NLGN4X: variants seen among roughly 807,000 people sequenced by gnomAD.
NLGN4X encodes the protein neuroligin 4 X-linked, also known as neuroligin-4, X-linked.
In NLGN4X, 3 loss-of-function variants were observed where a neutral mutation model predicts 40.3. The observed-to-expected ratio is 0.07, with a 90% CI of 0.03 to 0.19. The LOEUF is 0.19. NLGN4X is among the 10% of genes least tolerant of loss of function. The pLI is 1.00. For missense variants in NLGN4X, 382 were observed against 708.3 expected (o/e 0.54, Z 5.23); for synonymous variants, 270 against 306.8 (o/e 0.88, Z 1.25).
intron 3 of NLGN4X, among the ~76,000 whole-genome samples, chrX:6,000,791 A>G (rs1437157986): frequency 9.0e-6 from 1 of 111,468 alleles, no homozygotes; most frequent in Non-Finnish European, 1.9e-5. Flanking sequence ...CTGTCTTCTG[A>G]GCCCTTCAAA....
intron 3 of NLGN4X, among the ~76,000 whole-genome samples, chrX:6,010,908 G>A (rs1248591172): frequency 1.8e-5 from 2 of 111,436 alleles, no homozygotes; most frequent in Non-Finnish European, 3.8e-5. Flanking sequence ...ACAAAAGGAA[G>A]CTTTCAAATT....
intron 3 of NLGN4X, among the ~76,000 whole-genome samples, chrX:5,985,097 G>A (rs1374806109): frequency 9.0e-6 from 1 of 111,716 alleles, no homozygotes; most frequent in Non-Finnish European, 1.9e-5. Flanking sequence ...CTGACTACTG[G>A]GTATTTTCAG....
chrX:6,078,521 A>C, intron 2 of NLGN4X, among the ~76,000 whole-genome samples: 1 of 111,340 alleles, frequency 9.0e-6, no homozygotes. Flanking sequence ...GGTTGGTTGC[A>C]CTGGGGGAAG....
chrX:6,118,186 CCTCT>C (rs1208911940), intron 2 of NLGN4X, among the ~76,000 whole-genome samples: 3 of 110,382 alleles, frequency 2.7e-5, no homozygotes, highest in Non-Finnish European at 5.7e-5. Context: ...ACTTACTTCT[CCTCT>C]CTATCTACAT....
At position 6,146,151 on chromosome X, in the gene NLGN4X, A is replaced by C. The variant is rs1447601972; in HGVS notation, c.472+4844T>G. Among the ~76,000 whole-genome samples, 4 of 110,990 alleles carry C rather than the reference A, an allele frequency of 3.6e-5. No individual in the cohort carries two copies. The South Asian group carries it at 1.1e-3, about 32-fold the overall frequency. Reference sequence around the variant, plus strand: ...AAAAAAAAAAAAGAACTTTCATGATATGGCACTGCCAGAAACAGCCCATGC... The same window carrying C: ...AAAAAAAAAAAAGAACTTTCATGATCTGGCACTGCCAGAAACAGCCCATGC... On this transcript the variant is annotated intron_variant, in intron 2 of 5. Coordinates refer to ENST00000381095, the MANE Select transcript of NLGN4X (RefSeq NM_181332.3).
chrX:6,222,882 G>T (rs1239838174), intron 1 of NLGN4X, among the ~76,000 whole-genome samples: 1 of 111,743 alleles, frequency 8.9e-6, no homozygotes, highest in African/African-American at 3.3e-5. Context: ...TCTCCTTCCT[G>T]CCATCATGTG....
chrX:5,891,449 G>A lies in NLGN4X; in HGVS notation c.*1368C>T, dbSNP rs1432835692. The stretch of plus-strand genomic sequence containing the variant: ...CCTGCTTACTGATAAATAAGGGACC[G>A]AGTGCTTAAACAAAAAGGAAAGACA... On this transcript the variant is annotated 3_prime_UTR_variant, in exon 6 of 6. Coordinates refer to ENST00000381095, the MANE Select transcript of NLGN4X (RefSeq NM_181332.3). 6 of 249,811 alleles carry A rather than the reference G, an allele frequency of 2.4e-5. No individual in the cohort carries two copies. The highest frequency in any genetic ancestry group is 5.4e-5 in the Admixed American group (1 of 18,552). 20.6% of individuals were successfully genotyped at this position (249,811 alleles called of 1,213,427 possible).
At chrX:6,167,642 G>A (rs1418211555) in intron 1 of NLGN4X, among the ~76,000 whole-genome samples, 1 of 111,665 alleles carries the variant, frequency 9.0e-6, no homozygotes, top group African/African-American at 3.3e-5. Flanking sequence ...AAGGCCCATG[G>A]AGAAGAATTC....
chrX:5,911,248 TTC>T (rs1336208424), intron 3 of NLGN4X, among the ~76,000 whole-genome samples: 1 of 111,875 alleles, frequency 8.9e-6, no homozygotes, highest in Non-Finnish European at 1.9e-5. Flanking sequence ...TCACTCACTG[TTC>T]TCTCTTTCTC....
At chrX:6,011,363 A>G (rs2036246232) in intron 3 of NLGN4X, among the ~76,000 whole-genome samples, 1 of 63,735 alleles carries the variant, frequency 1.6e-5, no homozygotes, top group Admixed American at 1.7e-4. Flanking sequence ...TCTCAAATTC[A>G]GAAATATATA....
At chrX:6,171,551 A>AGAAAGGGTGCAC (rs1269904666) in intron 1 of NLGN4X, among the ~76,000 whole-genome samples, 2 of 112,035 alleles carry the variant, frequency 1.8e-5, no homozygotes, top group African/African-American at 6.5e-5. Flanking sequence ...CAGCTTTCCA[A>AGAAAGGGTGCAC]GAAAGGGTGC....
At chrX:5,987,054 C>T (rs2035549033) in intron 3 of NLGN4X, among the ~76,000 whole-genome samples, 1 of 111,627 alleles carries the variant, frequency 9.0e-6, no homozygotes, top group African/African-American at 3.3e-5. Flanking sequence ...ATAATAACCT[C>T]AAACTCAAAA....
At chrX:5,952,467 T>A (rs189798028) in intron 3 of NLGN4X, among the ~76,000 whole-genome samples, 2 of 110,096 alleles carry the variant, frequency 1.8e-5, no homozygotes, top group East Asian at 5.7e-4. Context: ...CTGTATCTAT[T>A]GCCTATTTTT....
chrX:6,117,525 T>A (rs1381934579), intron 2 of NLGN4X, among the ~76,000 whole-genome samples: 1 of 111,392 alleles, frequency 9.0e-6, no homozygotes, highest in Non-Finnish European at 1.9e-5. Context: ...GAGAAAAACT[T>A]GCCCCCACCT....
At chrX:6,158,731 A>G (rs1304099637) in intron 1 of NLGN4X, among the ~76,000 whole-genome samples, 1 of 111,552 alleles carries the variant, frequency 9.0e-6, no homozygotes, top group Non-Finnish European at 1.9e-5. Flanking sequence ...TGCTGCACAA[A>G]TCAACCCATC....
chrX:6,180,384 T>C (rs937166735), intron 1 of NLGN4X, among the ~76,000 whole-genome samples: 23 of 110,427 alleles, frequency 2.1e-4, no homozygotes, highest in African/African-American at 7.6e-4. Context: ...TGTTTAAAAG[T>C]GTGCAGCACC....
intron 3 of NLGN4X, among the ~76,000 whole-genome samples, chrX:5,952,624 C>T (rs989836454): frequency 1.8e-5 from 2 of 110,612 alleles, no homozygotes; most frequent in African/African-American, 3.3e-5. Flanking sequence ...TATCAAAGTT[C>T]TCTGCTAAAT....
At chrX:6,031,510 G>A (rs1342684740) in intron 2 of NLGN4X, among the ~76,000 whole-genome samples, 1 of 111,279 alleles carries the variant, frequency 9.0e-6, no homozygotes, top group Non-Finnish European at 1.9e-5. Flanking sequence ...TTGGAGAACA[G>A]TTGATTTATG....
chrX:6,079,582 T>C (rs1407365754), intron 2 of NLGN4X, among the ~76,000 whole-genome samples: 1 of 111,970 alleles, frequency 8.9e-6, no homozygotes, highest in Non-Finnish European at 1.9e-5. Flanking sequence ...CACCATGATA[T>C]TGGGATGGTG....
Sources: allele counts gnomAD v4.1 joint callset (sites outside exome capture counted in the v4.1 genomes callset), GRCh38; gene constraint gnomAD v4.1.1; transcripts MANE v1.5; gene names NCBI Gene and HGNC (gene_info 2026-07-23, HGNC 2026-07-21).